The following SLC25A24 variants were observed in gnomAD, a reference collection of about 807,000 sequenced individuals.
SLC25A24 encodes the protein mitochondrial adenyl nucleotide antiporter SLC25A24.
Under a neutral mutation model 60.7 loss-of-function variants are expected in SLC25A24, and 49 were observed. The observed-to-expected ratio is 0.81, with a 90% CI of 0.64 to 1.02. SLC25A24 has a LOEUF of 1.02. Ranked by LOEUF, SLC25A24 falls within the 50% of genes least tolerant of loss-of-function variation. SLC25A24 has a pLI of 0.00. For missense variants in SLC25A24, 564 were observed against 586.3 expected (o/e 0.96, Z 0.39); for synonymous variants, 202 against 200.6 (o/e 1.01, Z -0.06).
At chr1:108,164,727 TC>T (rs1438159182) in intron 3 of SLC25A24, among the ~76,000 whole-genome samples, 19 of 141,620 alleles carry the variant, frequency 1.3e-4, no homozygotes, top group African/African-American at 4.5e-4. Context: ...ATTTTGTTGA[TC>T]CTTTCAAAAA....
chr1:108,167,756 G>A (rs984953489), intron 3 of SLC25A24, among the ~76,000 whole-genome samples: 52 of 152,280 alleles, frequency 3.4e-4, no homozygotes, highest in African/African-American at 1.0e-3. Flanking sequence ...CGTCTTCTGC[G>A]TCGCTCACGC....
rs373273652 is a variant in SLC25A24, at chr1:108,193,347, C to A, written c.183+6609G>T. Among the ~76,000 whole-genome samples the A allele has an allele frequency of 6.2e-4, 85 of 137,588 alleles. 4 individuals carry two copies. Among genetic ancestry groups the A allele is most frequent in the African/African-American group, 2.1e-3 (82 of 39,862 alleles). The allele number at this position is 137,588 out of a possible 152,430, so 90.3% of individuals were successfully genotyped here. A position where few individuals can be genotyped will look rare whatever the true frequency, so the allele number is the denominator to read the frequency against. On this transcript the variant is annotated intron_variant, in intron 1 of 9. Transcript: ENST00000565488. ...CCTTGCCCTCCTCCCTCCCTCCCCC[C>A]TTTTGGAGTCCCTAGTGTCTATTGT...
chr1:108,137,858 T>C lies in SLC25A24; in HGVS notation c.1250-1021A>G, dbSNP rs531847902. ...CCCATCCCCAAGATGGTTATGATGG[T>C]GAAATGAGAGAATACACAAGAAACG... On this transcript the variant is annotated intron_variant, in intron 9 of 9. Coordinates refer to ENST00000565488, the MANE Select transcript of SLC25A24 (RefSeq NM_013386.5). 3.9e-5 allele frequency among the ~76,000 whole-genome samples: 6 copies of C among 152,294 alleles called. No individual in the cohort carries two copies. In the South Asian group the frequency reaches 1.2e-3, roughly 32 times the overall value.
At chr1:108,143,150 T>G (rs1679489180) in intron 8 of SLC25A24, among the ~76,000 whole-genome samples, 1 of 152,222 alleles carries the variant, frequency 6.6e-6, no homozygotes, top group Non-Finnish European at 1.5e-5. Context: ...ATTAAATGAT[T>G]TAGATTGCAG....
intron 5 of SLC25A24, among the ~76,000 whole-genome samples, chr1:108,156,274 TC>T (rs1319079246): frequency 2.1e-4 from 32 of 152,280 alleles, no homozygotes; most frequent in African/African-American, 7.5e-4. Flanking sequence ...GTTATGTGAG[TC>T]TTTCTAGAGA....
intron 1 of SLC25A24, among the ~76,000 whole-genome samples, chr1:108,195,830 C>T (rs1254535437): frequency 1.3e-5 from 2 of 152,074 alleles, no homozygotes; most frequent in Non-Finnish European, 2.9e-5. Flanking sequence ...AAAATCCCAT[C>T]TCTACTAGAA....
At chr1:108,146,644 G>A (rs1019703443) in intron 7 of SLC25A24, among the ~76,000 whole-genome samples, 3 of 152,050 alleles carry the variant, frequency 2.0e-5, no homozygotes, top group Non-Finnish European at 2.9e-5. Context: ...GAATTTTATC[G>A]AAGGCCTTTT....
intron 5 of SLC25A24, 150 bp from the exon 6 acceptor site, chr1:108,155,285 A>C: frequency 1.4e-6 from 1 of 701,034 alleles, no homozygotes. Flanking sequence ...AATATATATA[A>C]TGATGAGAGG....
At chr1:108,145,578 A>ATT (rs148182295) in intron 7 of SLC25A24, among the ~76,000 whole-genome samples, 6 of 150,634 alleles carry the variant, frequency 4.0e-5, no homozygotes, top group East Asian at 1.9e-4. Flanking sequence ...TCTTGAGTTA[A>ATT]TTTTTTTTTT....
intron 3 of SLC25A24, among the ~76,000 whole-genome samples, chr1:108,174,679 G>A (rs1647608810): frequency 6.6e-6 from 1 of 152,176 alleles, no homozygotes. Context: ...ACGCCAGCCT[G>A]TGAAAAGAGC....
intron 1 of SLC25A24, among the ~76,000 whole-genome samples, chr1:108,187,820 A>T (rs1045640531): frequency 2.0e-5 from 3 of 151,236 alleles, no homozygotes; most frequent in African/African-American, 7.3e-5. Context: ...ACATCACAAA[A>T]AAAGGAAAAT....
chr1:108,140,106 G>A (rs901462970), intron 8 of SLC25A24, among the ~76,000 whole-genome samples: 17 of 151,926 alleles, frequency 1.1e-4, no homozygotes, highest in Admixed American at 9.8e-4. Flanking sequence ...TATATAACAA[G>A]TTTAACTTTT....
intron 7 of SLC25A24, among the ~76,000 whole-genome samples, chr1:108,147,800 T>G (rs1178430218): frequency 6.6e-6 from 1 of 152,098 alleles, no homozygotes; most frequent in African/African-American, 2.4e-5. Context: ...ATTAACACCA[T>G]TATACCAGCC....
In SLC25A24 at chr1:108,157,459, C is replaced by T. The variant is rs202001308; in HGVS notation, c.669+3G>A. 11 of 1,613,090 alleles carry T rather than the reference C, an allele frequency of 6.8e-6. No individual in the cohort carries two copies. Among genetic ancestry groups the T allele is most frequent in the Middle Eastern group, 1.7e-4 (1 of 6,058 alleles). On this transcript the variant is annotated splice_donor_region_variant and intron_variant, in intron 5 of 9. Coordinates refer to ENST00000565488, the MANE Select transcript of SLC25A24 (RefSeq NM_013386.5). ...AACCTGGACACACGATAATAAAGCTCACCTGCATCATGATTTTCAGACGGT... is the reference window on the plus strand; with the variant it reads ...AACCTGGACACACGATAATAAAGCTTACCTGCATCATGATTTTCAGACGGT...
chr1:108,161,111 G>A (rs1680066654), intron 4 of SLC25A24, 71 bp downstream of exon 4: 3 of 802,178 alleles, frequency 3.7e-6, no homozygotes, highest in Admixed American at 4.3e-5. Flanking sequence ...GTGTTACAGA[G>A]TGTTCTTGGG....
intron 3 of SLC25A24, among the ~76,000 whole-genome samples, chr1:108,166,147 T>C (rs1680246686): frequency 6.6e-6 from 1 of 152,268 alleles, no homozygotes; most frequent in Non-Finnish European, 1.5e-5. Context: ...TTTGTAGAGT[T>C]TCTGCCAAGA....
intron 1 of SLC25A24, among the ~76,000 whole-genome samples, chr1:108,188,916 G>A (rs372509191): frequency 5.1e-4 from 77 of 152,298 alleles, no homozygotes; most frequent in Middle Eastern, 3.4e-3. Context: ...AATTTGGGCT[G>A]TAACATCACC....
Position 108,143,542 on chromosome 1 carries a change from C to T in SLC25A24, c.1098+1G>A, listed in dbSNP as rs778623227. The T allele has an allele frequency of 6.2e-7, 1 of 1,607,920 alleles. No homozygotes were observed. The highest frequency in any genetic ancestry group is 8.5e-7 in the Non-Finnish European group (1 of 1,178,066). ...AATTCAAAAGATTTCTACAAACTCA[C>T]CTCATACACAGCAAGATCTATGCCT... On this transcript the variant is annotated splice_donor_variant, in intron 8 of 9. Transcript: ENST00000565488. LOFTEE classifies it high-confidence loss of function.
intron 7 of SLC25A24, among the ~76,000 whole-genome samples, chr1:108,145,244 C>T (rs1410193190): frequency 6.6e-6 from 1 of 152,146 alleles, no homozygotes; most frequent in Non-Finnish European, 1.5e-5. Context: ...TCATATCCGT[C>T]ACCCACTTTT....
Sources: allele counts gnomAD v4.1 joint callset (sites outside exome capture counted in the v4.1 genomes callset), GRCh38; gene constraint gnomAD v4.1.1; transcripts MANE v1.5; gene names NCBI Gene and HGNC (gene_info 2026-07-23, HGNC 2026-07-21).